ACACA: variants seen among roughly 807,000 people sequenced by gnomAD.
ACACA encodes the protein acetyl-CoA carboxylase 1.
ACACA carries 103 observed loss-of-function variants against 296.1 expected under a neutral mutation model. That is an observed-to-expected ratio of 0.35 (90% CI 0.30 to 0.41). ACACA has a LOEUF of 0.41. Ranked by LOEUF, ACACA falls within the 10% of genes least tolerant of loss-of-function variation. ACACA has a pLI of 1.00. For synonymous variants in ACACA, 953 were observed against 1,038.6 expected (o/e 0.92, Z 1.58); for missense variants, 1,554 against 2,989.7 (o/e 0.52, Z 11.20).
chr17:37,212,964 T>A (rs1448936436), intron 29 of ACACA, among the ~76,000 whole-genome samples: 1 of 150,236 alleles, frequency 6.7e-6, no homozygotes, highest in Non-Finnish European at 1.5e-5. Flanking sequence ...AGTCAAATAT[T>A]CCATTTATGT....
rs531105296 is a variant in ACACA at position 37,199,011 on chromosome 17, G to A, written c.4158+1128C>T. Among the ~76,000 whole-genome samples, 21 of 152,084 alleles carry A rather than the reference G, an allele frequency of 1.4e-4. No homozygotes were observed. In the East Asian group the frequency reaches 2.1e-3, roughly 15 times the overall value. Reference sequence around the variant, plus strand: ...TCTCAGCACTTTGGGAGGCTGAGGCGGGCAGATCACCTGAGGTCAGGAGTT... The same window carrying A: ...TCTCAGCACTTTGGGAGGCTGAGGCAGGCAGATCACCTGAGGTCAGGAGTT... On this transcript the variant is annotated intron_variant, in intron 35 of 55. Coordinates refer to ENST00000616317, the MANE Select transcript of ACACA (RefSeq NM_198834.3).
chr17:37,344,556 T>C (rs142267790), intron 1 of ACACA, among the ~76,000 whole-genome samples: 214 of 151,466 alleles, frequency 1.4e-3, no homozygotes, highest in Non-Finnish European at 2.5e-3. Context: ...AGACTCCTTC[T>C]CAAAAAAATA....
At chr17:37,268,689 G>C (rs1256798930) in intron 10 of ACACA, among the ~76,000 whole-genome samples, 1 of 147,204 alleles carries the variant, frequency 6.8e-6, no homozygotes, top group South Asian at 2.1e-4. Context: ...CTCTAATGCC[G>C]TAAAATGTAA....
intron 1 of ACACA, among the ~76,000 whole-genome samples, chr17:37,397,781 T>G (rs2051128268): frequency 6.6e-6 from 1 of 152,148 alleles, no homozygotes; most frequent in South Asian, 2.1e-4. Flanking sequence ...AGTCTTTCCT[T>G]TACCCCACCC....
At chr17:37,129,710 T>C (rs1001932468) in intron 46 of ACACA, among the ~76,000 whole-genome samples, 1 of 152,180 alleles carries the variant, frequency 6.6e-6, no homozygotes, top group Non-Finnish European at 1.5e-5. Flanking sequence ...GTGTTTTGAC[T>C]CTTGATTTCA....
intron 52 of ACACA, among the ~76,000 whole-genome samples, chr17:37,103,722 AACACACACACAC>A (rs3049593): frequency 2.7e-5 from 4 of 148,800 alleles, no homozygotes; most frequent in East Asian, 2.0e-4. Context: ...CAAACACACA[AACACACACACAC>A]ACACACACAC....
intron 2 of ACACA, among the ~76,000 whole-genome samples, chr17:37,331,427 GA>G (rs2047880628): frequency 6.9e-6 from 1 of 145,846 alleles, no homozygotes; most frequent in South Asian, 2.2e-4. Context: ...TTTCTTTTTT[GA>G]GACGGAGTCT....
intron 52 of ACACA, among the ~76,000 whole-genome samples, chr17:37,099,484 G>GAGGAGGGCTGATAGC (rs2073196693): frequency 7.6e-5 from 10 of 132,250 alleles, no homozygotes; most frequent in African/African-American, 1.1e-4. Flanking sequence ...GGGCTGATGG[G>GAGGAGGGCTGATAGC]AGGAGGGCTG....
rs559609131 is a variant in ACACA at position 37,216,189 on chromosome 17, C to CATGTGTGT, written c.3683+5534_3683+5535insACACACAT. Among the ~76,000 whole-genome samples, 219 of 141,372 alleles carry CATGTGTGT rather than the reference C, an allele frequency of 1.5e-3. 2 individuals are homozygous for CATGTGTGT. The highest frequency in any genetic ancestry group is 6.5e-3 in the East Asian group (32 of 4,922). 92.7% of individuals were successfully genotyped at this position (141,372 alleles called of 152,430 possible). On this transcript the variant is annotated intron_variant, in intron 29 of 55. Transcript: ENST00000616317. ...CACATGTTACATATACATACACACA[C>CATGTGTGT]GTGTGTGTGTGTGTGTGTGTATATA...
chr17:37,131,323 A>G (rs1471480613), intron 45 of ACACA, among the ~76,000 whole-genome samples: 2 of 152,122 alleles, frequency 1.3e-5, no homozygotes, highest in Non-Finnish European at 2.9e-5. Context: ...ACTGGTTAAT[A>G]ATTTCTTTCA....
intron 50 of ACACA, among the ~76,000 whole-genome samples, chr17:37,118,901 G>C (rs1411213044): frequency 2.0e-5 from 3 of 152,102 alleles, no homozygotes; most frequent in Admixed American, 6.5e-5. Context: ...AGCCAATCTG[G>C]GCCTGAGCCA....
intron 41 of ACACA, among the ~76,000 whole-genome samples, chr17:37,170,808 A>G (rs2144653478): frequency 6.6e-6 from 1 of 152,352 alleles, no homozygotes; most frequent in South Asian, 2.1e-4. Context: ...TGTACTATCA[A>G]TGTGAATAGA....
chr17:37,330,371 G>GGTT lies in ACACA; in HGVS notation c.137_139dup (p.Gln46dup). ...TCGAGAGTGCTGGTTCAGCTCCAGAGGTTGGGCCAAGGGAGATGGTTCATC... is the reference window on the plus strand; with the variant it reads ...TCGAGAGTGCTGGTTCAGCTCCAGAGGTTGTTGGGCCAAGGGAGATGGTTCATC... On this transcript the variant is annotated inframe_insertion, in exon 3 of 56. Coordinates refer to ENST00000616317, the MANE Select transcript of ACACA (RefSeq NM_198834.3). 6.2e-7 allele frequency: 1 copy of GGTT among 1,614,186 alleles called. No individual in the cohort carries two copies. Among genetic ancestry groups the GGTT allele is most frequent in the Non-Finnish European group, 8.5e-7 (1 of 1,180,024 alleles).
chr17:37,381,849 G>A (rs1241818447), intron 1 of ACACA, among the ~76,000 whole-genome samples: 5 of 151,504 alleles, frequency 3.3e-5, no homozygotes, highest in African/African-American at 4.9e-5. Flanking sequence ...GGATGGTCTC[G>A]ATCGCCTGAC....
rs1376147049 is a variant in ACACA, at chr17:37,174,001, TATATATA to T, written c.5079+5252_5079+5258del. 6.9e-3 allele frequency among the ~76,000 whole-genome samples: 83 copies of T among 12,012 alleles called. 7 individuals carry two copies. The highest frequency in any genetic ancestry group is 0.037 in the African/African-American group (82 of 2,228). The allele number at this position is 12,012 out of a possible 152,430, so 7.9% of individuals were successfully genotyped here. On this transcript the variant is annotated intron_variant, in intron 41 of 55. Transcript: ENST00000616317. Reference sequence around the variant, plus strand: ...GCTAATTTATATATATATATATATATATATATATATATATATATATTTTTTTTTTTTT... The same window carrying T: ...GCTAATTTATATATATATATATATATTATATATATATATTTTTTTTTTTTT...
At chr17:37,253,586 G>A (rs2081094410) in intron 14 of ACACA, among the ~76,000 whole-genome samples, 1 of 151,992 alleles carries the variant, frequency 6.6e-6, no homozygotes, top group Non-Finnish European at 1.5e-5. Context: ...TACCATAAGA[G>A]CATCAGCAAA....
intron 3 of ACACA, among the ~76,000 whole-genome samples, chr17:37,311,064 G>T (rs1406594618): frequency 2.0e-5 from 3 of 152,194 alleles, no homozygotes; most frequent in African/African-American, 7.2e-5. Context: ...GAACTGAAAA[G>T]CATCCACTGA....
chr17:37,348,598 G>A (rs1255761616), intron 1 of ACACA, among the ~76,000 whole-genome samples: 1 of 152,138 alleles, frequency 6.6e-6, no homozygotes, highest in Non-Finnish European at 1.5e-5. Context: ...CAATTGTGAG[G>A]ACAGGACATA....
chr17:37,398,976 C>T (rs531401006), intron 1 of ACACA, among the ~76,000 whole-genome samples: 1 of 142,520 alleles, frequency 7.0e-6, no homozygotes, highest in East Asian at 2.1e-4. Context: ...ATAATAACTT[C>T]CCTAAATTCT....
Sources: gnomAD v4.1 joint callset for allele counts (sites outside exome capture counted in the v4.1 genomes callset) on GRCh38, gnomAD v4.1.1 for gene constraint, MANE v1.5 for transcripts, NCBI Gene and HGNC (gene_info 2026-07-23, HGNC 2026-07-21) for gene names.